Variants in PHACTR3 observed in about 807,000 individuals in gnomAD.
The protein encoded by PHACTR3 is phosphatase and actin regulator 3.
In PHACTR3, 16 loss-of-function variants were observed where a neutral mutation model predicts 66.8. The observed-to-expected ratio is 0.24, with a 90% confidence interval of 0.16 to 0.36. PHACTR3 has a LOEUF of 0.36. Among genes scored for constraint, PHACTR3 ranks in the 10% least tolerant of loss-of-function variants. The probability of loss-of-function intolerance (pLI) is 1.00; values close to 1 mark genes in which losing one functional copy is unlikely to be tolerated. For missense variants in PHACTR3, 647 were observed against 719.9 expected (o/e 0.90, Z 1.16); for synonymous variants, 323 against 292.1 (o/e 1.11, Z -1.08).
intron 8 of PHACTR3, among the ~76,000 whole-genome samples, chr20:59,811,132 C>T (rs1384472496): frequency 6.6e-6 from 1 of 152,192 alleles, no homozygotes; most frequent in Admixed American, 6.5e-5. Flanking sequence ...GTAACTGGCC[C>T]AGGGCCACGT....
intron 8 of PHACTR3, among the ~76,000 whole-genome samples, chr20:59,816,545 T>C (rs1026266937): frequency 6.6e-6 from 1 of 152,234 alleles, no homozygotes; most frequent in Non-Finnish European, 1.5e-5. Flanking sequence ...GTCCTTTTCC[T>C]TAGCCTATTT....
At chr20:59,637,966 G>T (rs1307334950) in intron 1 of PHACTR3, among the ~76,000 whole-genome samples, 2 of 152,102 alleles carry the variant, frequency 1.3e-5, no homozygotes, top group African/African-American at 4.8e-5. Flanking sequence ...TCCCCATTTT[G>T]AGCATGAGGA....
At chr20:59,583,237 A>C (rs2032912905) in intron 1 of PHACTR3, among the ~76,000 whole-genome samples, 2 of 152,208 alleles carry the variant, frequency 1.3e-5, no homozygotes, top group African/African-American at 4.8e-5. Context: ...CACTGGGTTT[A>C]ACCCAGGGAT....
At position 59,773,432 on chromosome 20, in the gene PHACTR3, C is replaced by G; in HGVS notation, c.905C>G (p.Ala302Gly). ...RVIEELHRAL[A>G]TKHRQDSFQG... ...ATTGAGGAGCTGCACAGGGCGCTGG[C>G]CACGAAGCACCGCCAGGACAGGTGA... Residue 302 changes from alanine (A) to glycine (G), a missense_variant, in exon 6 of 13, where the codon GCC (alanine) becomes GGC (glycine). By Grantham distance (60) the Ala-to-Gly change is moderately conservative. Coordinates refer to ENST00000371015, the MANE Select transcript of PHACTR3 (RefSeq NM_080672.5). 6.2e-7 allele frequency: 1 copy of G among 1,612,186 alleles called. No homozygotes were observed. The highest frequency in any genetic ancestry group is 8.5e-7 in the Non-Finnish European group (1 of 1,179,318).
chr20:59,667,426 T>C (rs190594258), intron 1 of PHACTR3, among the ~76,000 whole-genome samples: 28 of 152,328 alleles, frequency 1.8e-4, no homozygotes, highest in Non-Finnish European at 5.9e-5. Context: ...TTTATTGACT[T>C]CTCCCACTTG....
At chr20:59,664,791 T>G (rs936213669) in intron 1 of PHACTR3, among the ~76,000 whole-genome samples, 6 of 152,214 alleles carry the variant, frequency 3.9e-5, no homozygotes, top group Non-Finnish European at 8.8e-5. Flanking sequence ...ATACGTCTTC[T>G]GCCAACCTGC....
chr20:59,695,657 T>G (rs1381489906), intron 1 of PHACTR3, among the ~76,000 whole-genome samples: 1 of 152,182 alleles, frequency 6.6e-6, no homozygotes, highest in African/African-American at 2.4e-5. Context: ...CAGGCATTTT[T>G]CTCTTCACCG....
rs564747281 is a variant in PHACTR3 at position 59,820,340 on chromosome 20, A to T, written c.1328+14146A>T. Among the ~76,000 whole-genome samples the T allele has an allele frequency of 7.2e-5, 11 of 152,374 alleles. No individual in the cohort carries two copies. The highest frequency in any genetic ancestry group is 5.9e-4 in the Admixed American group (9 of 15,312). ...TCAGCCCTAAAGGGAGGGGCCTGGT[A>T]GTCCTGCAAAGGCCGGGGCAGGCAA... On this transcript the variant is annotated intron_variant, in intron 8 of 12. Coordinates refer to ENST00000371015, the MANE Select transcript of PHACTR3 (RefSeq NM_080672.5). This position sits in a 1 kb window ranked among gnomAD's most constrained non-coding sequence, Gnocchi z 4.6.
chr20:59,828,501 TTA>T, intron 8 of PHACTR3, among the ~76,000 whole-genome samples: 1 of 152,266 alleles, frequency 6.6e-6, no homozygotes, highest in Admixed American at 6.5e-5. Flanking sequence ...AGATAGGGTG[TTA>T]TGTTGTTTTT....
chr20:59,821,980 G>GCA (rs2042043652), intron 8 of PHACTR3, among the ~76,000 whole-genome samples: 18 of 58,236 alleles, frequency 3.1e-4, no homozygotes, highest in African/African-American at 1.4e-3. Context: ...TTTCTGCAGC[G>GCA]ATCCCACCCC....
At chr20:59,815,148 T>G (rs944904636) in intron 8 of PHACTR3, among the ~76,000 whole-genome samples, 3 of 152,156 alleles carry the variant, frequency 2.0e-5, no homozygotes, top group African/African-American at 7.2e-5. Context: ...AAGCCCAGAC[T>G]GTTCTCCCAG....
chr20:59,609,611 G>T (rs1047534209), intron 1 of PHACTR3, among the ~76,000 whole-genome samples: 1 of 152,098 alleles, frequency 6.6e-6, no homozygotes, highest in Non-Finnish European at 1.5e-5. Context: ...TGCAAATGTG[G>T]TCTAGTCTCT....
At chr20:59,800,795 G>C (rs1032798317) in intron 7 of PHACTR3, among the ~76,000 whole-genome samples, 4 of 152,192 alleles carry the variant, frequency 2.6e-5, no homozygotes, top group African/African-American at 9.6e-5. Flanking sequence ...CTGGGAAGCA[G>C]TTAAGTTACT....
Position 59,767,327 on chromosome 20 carries a change from T to G in PHACTR3, c.683T>G (p.Leu228Arg). The change falls in exon 5 of 13, where the codon CTC (leucine) becomes CGC (arginine). Residue 228 changes from leucine to arginine, a missense_variant. Physicochemically the swap from Leu to Arg is moderately radical, Grantham distance 102. Coordinates refer to ENST00000371015, the MANE Select transcript of PHACTR3 (RefSeq NM_080672.5). ...CCTCTGGAGAGATCCGTGGGCCAGCTCCCCAGCCCCCCACTGCTGCCCACT... is the reference window on the plus strand; with the variant it reads ...CCTCTGGAGAGATCCGTGGGCCAGCGCCCCAGCCCCCCACTGCTGCCCACT... Reference protein sequence around the residue: ...PRPLERSVGQLPSPPLLPTPP... With the variant: ...PRPLERSVGQRPSPPLLPTPP... 6.2e-7 allele frequency: 1 copy of G among 1,614,082 alleles called. No homozygotes were observed.
intron 1 of PHACTR3, among the ~76,000 whole-genome samples, chr20:59,607,630 C>T (rs990447835): frequency 6.6e-6 from 1 of 152,230 alleles, no homozygotes; most frequent in African/African-American, 2.4e-5. Context: ...CCAGAGGTTA[C>T]CCCTGCTGGG....
At chr20:59,749,135 C>T (rs990197594) in intron 3 of PHACTR3, among the ~76,000 whole-genome samples, 4 of 152,202 alleles carry the variant, frequency 2.6e-5, no homozygotes, top group Admixed American at 6.5e-5. Flanking sequence ...TCGGATTTGG[C>T]GGAATGCGGT....
chr20:59,841,592 T>C (rs1156513811), intron 11 of PHACTR3, 57 bp downstream of exon 11: 5 of 1,551,832 alleles, frequency 3.2e-6, no homozygotes, highest in Non-Finnish European at 3.5e-6. Context: ...AGGCAAAATA[T>C]GTCATGCCAG....
chr20:59,749,190 A>G (rs1335620782), intron 3 of PHACTR3, among the ~76,000 whole-genome samples: 1 of 152,202 alleles, frequency 6.6e-6, no homozygotes, highest in Non-Finnish European at 1.5e-5. Context: ...ATGGGACAAA[A>G]AAGTGTCAAA....
intron 1 of PHACTR3, among the ~76,000 whole-genome samples, chr20:59,739,543 G>T (rs2039075828): frequency 6.6e-6 from 1 of 152,146 alleles, no homozygotes; most frequent in Non-Finnish European, 1.5e-5. Flanking sequence ...AAGGAGAAGT[G>T]CAGGGCGAAG....
Sources: gnomAD v4.1 joint callset for allele counts (sites outside exome capture counted in the v4.1 genomes callset) on GRCh38, gnomAD v4.1.1 for gene constraint, Gnocchi (gnomAD v3.1) non-coding constraint, MANE v1.5 for transcripts, NCBI Gene and HGNC (gene_info 2026-07-23, HGNC 2026-07-21) for gene names.